CDH7: variants seen among roughly 807,000 people sequenced by gnomAD.
The protein encoded by CDH7 is cadherin-7.
Under a neutral mutation model 71.8 loss-of-function variants are expected in CDH7, and 25 were observed. The ratio of observed to expected loss-of-function variants is 0.35; its 90% CI spans 0.25 to 0.49. The LOEUF (loss-of-function observed/expected upper bound fraction) is 0.49. Ranked by LOEUF, CDH7 falls within the 20% of genes least tolerant of loss-of-function variation. CDH7 has a pLI of 0.99. For missense variants in CDH7, 862 were observed against 974.6 expected (o/e 0.88, Z 1.54); for synonymous variants, 381 against 363.8 (o/e 1.05, Z -0.54).
intron 3 of CDH7, among the ~76,000 whole-genome samples, chr18:65,813,635 A>C (rs1461007922): frequency 6.6e-6 from 1 of 152,034 alleles, no homozygotes; most frequent in Admixed American, 6.5e-5. Flanking sequence ...CCATATTTAA[A>C]AGATAGCATA....
At chr18:65,850,790 G>GA (rs1302408486) in intron 7 of CDH7, among the ~76,000 whole-genome samples, 1 of 150,930 alleles carries the variant, frequency 6.6e-6, no homozygotes, top group African/African-American at 2.4e-5. Context: ...ATTAAGCTCA[G>GA]AAATCAATAG....
In CDH7 at chr18:65,778,000, T is replaced by C. The variant is rs149085179; in HGVS notation, c.210+14948T>C. On this transcript the variant is annotated intron_variant, in intron 2 of 11. Coordinates refer to ENST00000397968, the MANE Select transcript of CDH7 (RefSeq NM_004361.5). ...ATTTAGAACTAGTGCCAGCCGGGCGTGGTGGCTCACGCCTATAATCCCAGC... is the reference window on the plus strand; with the variant it reads ...ATTTAGAACTAGTGCCAGCCGGGCGCGGTGGCTCACGCCTATAATCCCAGC... Among the ~76,000 whole-genome samples, 107 of 152,152 alleles carry C rather than the reference T, an allele frequency of 7.0e-4. No individual in the cohort carries two copies. In the East Asian group the frequency reaches 0.019, roughly 27 times the overall value.
intron 4 of CDH7, 27 bp from the exon 5 acceptor site, chr18:65,822,054 G>A (rs764346287): frequency 6.3e-7 from 1 of 1,588,562 alleles, no homozygotes. Flanking sequence ...TTCATGATGA[G>A]TTTTACTGGG....
intron 2 of CDH7, among the ~76,000 whole-genome samples, chr18:65,773,574 G>A (rs373612425): frequency 2.6e-5 from 4 of 152,128 alleles, no homozygotes; most frequent in African/African-American, 7.2e-5. Flanking sequence ...CAGATGATGC[G>A]ACTTCAAGCA....
intron 4 of CDH7, among the ~76,000 whole-genome samples, chr18:65,815,115 G>A (rs1911678361): frequency 6.6e-6 from 1 of 151,956 alleles, no homozygotes; most frequent in African/African-American, 2.4e-5. Context: ...TTTTAATTTG[G>A]GGGAACAATT....
chr18:65,809,814 C>T lies in CDH7; in HGVS notation c.321C>T (p.Thr107=). 6.2e-7 allele frequency: 1 copy of T among 1,613,980 alleles called. No homozygotes were observed. The highest frequency in any genetic ancestry group is 8.5e-7 in the Non-Finnish European group (1 of 1,179,972). Residue 107 remains threonine, a synonymous_variant, in exon 3 of 12, where the codon ACC becomes ACT. Transcript: ENST00000397968. ...AGAACACTGGGGATATTCATGCCACCAAGAGACTGGATCGTGAGGAGCAGG... is the reference window on the plus strand; with the variant it reads ...AGAACACTGGGGATATTCATGCCACTAAGAGACTGGATCGTGAGGAGCAGG... ...IDENTGDIHA[T]KRLDREEQAY... is the part of the protein sequence containing the mutation.
At chr18:65,785,660 C>T (rs1568184506) in intron 2 of CDH7, among the ~76,000 whole-genome samples, 2 of 151,612 alleles carry the variant, frequency 1.3e-5, no homozygotes, top group South Asian at 2.1e-4. Context: ...TTTAGGGAAA[C>T]TTAATATATA....
Position 65,814,499 on chromosome 18 carries a change from C to G in CDH7, c.520C>G (p.Gln174Glu), listed in dbSNP as rs1911654185. 2.5e-6 allele frequency: 4 copies of G among 1,613,828 alleles called. No homozygotes were observed. The highest frequency in any genetic ancestry group is 3.4e-6 in the Non-Finnish European group (4 of 1,179,886). Residue 174 changes from glutamine to glutamate, a missense_variant, in exon 4 of 12, where the codon CAA becomes GAA. Gln to Glu is a conservative substitution (Grantham distance 29). Transcript: ENST00000397968. ...EMSPVGTSVV[Q>E]VTATDADDPT... ...TTGGCATCTAGGGACCTCAGTGGTACAAGTGACAGCGACGGATGCTGATGA... is the reference window on the plus strand; with the variant it reads ...TTGGCATCTAGGGACCTCAGTGGTAGAAGTGACAGCGACGGATGCTGATGA...
At chr18:65,784,619 T>C (rs1433564157) in intron 2 of CDH7, among the ~76,000 whole-genome samples, 1 of 152,190 alleles carries the variant, frequency 6.6e-6, no homozygotes, top group African/African-American at 2.4e-5. Context: ...TTATGTCTAC[T>C]GTAGAAATAC....
At chr18:65,756,320 T>C (rs1357990698) in intron 1 of CDH7, among the ~76,000 whole-genome samples, 1 of 152,214 alleles carries the variant, frequency 6.6e-6, no homozygotes, top group Non-Finnish European at 1.5e-5. Flanking sequence ...AGTTAGATTC[T>C]GGAGGTGTTT....
At chr18:65,792,302 G>T (rs1359562014) in intron 2 of CDH7, among the ~76,000 whole-genome samples, 1 of 151,504 alleles carries the variant, frequency 6.6e-6, no homozygotes, top group African/African-American at 2.4e-5. Context: ...CTGTACTCGG[G>T]AAGAGTGAAT....
At chr18:65,818,757 C>T (rs1911811333) in intron 4 of CDH7, among the ~76,000 whole-genome samples, 1 of 151,934 alleles carries the variant, frequency 6.6e-6, no homozygotes, top group Non-Finnish European at 1.5e-5. Context: ...AAGGAGTTAC[C>T]AAGAGAGCTA....
intron 6 of CDH7, among the ~76,000 whole-genome samples, chr18:65,836,671 T>G (rs948690498): frequency 8.5e-6 from 1 of 117,848 alleles, no homozygotes; most frequent in Non-Finnish European, 1.8e-5. Context: ...ATATCTGTGT[T>G]CAAGTATAAT....
chr18:65,772,940 T>A (rs536524333), intron 2 of CDH7, among the ~76,000 whole-genome samples: 10 of 152,308 alleles, frequency 6.6e-5, no homozygotes, highest in Non-Finnish European at 1.3e-4. Context: ...GATTAACATC[T>A]TATAATATAT....
intron 10 of CDH7, 141 bp downstream of exon 10, chr18:65,859,966 T>C (rs548209524): frequency 1.1e-4 from 60 of 568,520 alleles, no homozygotes; most frequent in Non-Finnish European, 1.5e-4. Context: ...TCAAGTAATT[T>C]TTATCTATGG....
At chr18:65,797,453 C>T (rs1484309347) in intron 2 of CDH7, among the ~76,000 whole-genome samples, 2 of 152,146 alleles carry the variant, frequency 1.3e-5, no homozygotes, top group Non-Finnish European at 2.9e-5. Flanking sequence ...TCTCTGGTTG[C>T]AGAGATGAGT....
intron 11 of CDH7, among the ~76,000 whole-genome samples, chr18:65,864,320 A>G (rs985256331): frequency 1.3e-5 from 2 of 152,056 alleles, no homozygotes; most frequent in African/African-American, 4.8e-5. Flanking sequence ...ATGGCTTTGA[A>G]TGTGGCCCGA....
intron 2 of CDH7, among the ~76,000 whole-genome samples, chr18:65,790,138 G>A (rs556322942): frequency 3.3e-5 from 5 of 150,054 alleles, no homozygotes; most frequent in South Asian, 4.3e-4. Context: ...GGAGAATGGC[G>A]TGAACCCAGG....
intron 11 of CDH7, chr18:65,865,786 C>T (rs771219532): frequency 9.2e-5 from 14 of 152,140 alleles, no homozygotes; most frequent in Non-Finnish European, 2.1e-4. Flanking sequence ...ACAGGGGGTG[C>T]ATGTGGGGCC....
Sources: allele counts gnomAD v4.1 joint callset (sites outside exome capture counted in the v4.1 genomes callset), GRCh38; gene constraint gnomAD v4.1.1; transcripts MANE v1.5; gene names NCBI Gene and HGNC (gene_info 2026-07-23, HGNC 2026-07-21).